RYR1: variants seen among roughly 807,000 people sequenced by gnomAD.
The protein encoded by RYR1 is ryanodine receptor 1, also known as central core disease of muscle.
In RYR1, 342 loss-of-function variants were observed where a neutral mutation model predicts 583.5. That is an observed-to-expected ratio of 0.59 (90% confidence interval 0.54 to 0.64). The LOEUF is 0.64. RYR1 is among the 30% of genes least tolerant of loss of function. The pLI, the probability that RYR1 is intolerant of heterozygous loss-of-function variation, is 0.00. For synonymous variants in RYR1, 2,791 were observed against 2,822.5 expected (o/e 0.99, Z 0.35); for missense variants, 6,032 against 6,917.2 (o/e 0.87, Z 4.54).
intron 11 of RYR1, among the ~76,000 whole-genome samples, chr19:38,451,464 C>T (rs1297968625): frequency 1.3e-5 from 2 of 151,566 alleles, no homozygotes; most frequent in African/African-American, 2.4e-5. Context: ...GAGACAGAGA[C>T]AGGAAGGAGA....
In RYR1 at chr19:38,490,652, C is replaced by T. The variant is rs756831852; in HGVS notation, c.6047C>T (p.Thr2016Ile). 2.5e-6 allele frequency: 4 copies of T among 1,613,218 alleles called. No individual in the cohort carries two copies. Among genetic ancestry groups the T allele is most frequent in the Non-Finnish European group, 3.4e-6 (4 of 1,179,154 alleles). Residue 2016 changes from threonine (T) to isoleucine (I), a missense_variant, in exon 37 of 106, where the codon ACA becomes ATA. Thr to Ile is a moderately conservative substitution (Grantham distance 89). Around this residue, in one of 11 missense-constraint regions of RYR1, gnomAD observed 2,627 missense variants for 2,961.3 expected, o/e 0.89. Transcript: ENST00000359596. ...ATGCTATTGCAATTCAAAGATGGTACAGATGAGGAAGACTGTCCTCTCCCT... is the reference window on the plus strand; with the variant it reads ...ATGCTATTGCAATTCAAAGATGGTATAGATGAGGAAGACTGTCCTCTCCCT... ...INMLLQFKDG[T>I]DEEDCPLPEE...
At chr19:38,537,703 C>T (rs2145755741) in intron 83 of RYR1, among the ~76,000 whole-genome samples, 177 bp from the exon 84 acceptor site, 1 of 152,308 alleles carries the variant, frequency 6.6e-6, no homozygotes, top group East Asian at 1.9e-4. Context: ...GAGGTCAAGA[C>T]CGCCTGGCGT....
In RYR1 at chr19:38,543,674, C is replaced by G. The variant is rs1208011849; in HGVS notation, c.11907+14C>G. 15 of 1,613,336 alleles carry G rather than the reference C, an allele frequency of 9.3e-6. No individual in the cohort carries two copies. Among genetic ancestry groups the G allele is most frequent in the African/African-American group, 1.3e-5 (1 of 75,056 alleles). ...GAGTACATCCAGGTAGGGCGCTCCCCCTGGGGCGGGAGTGGGAAGGGAGGG... is the reference window on the plus strand; with the variant it reads ...GAGTACATCCAGGTAGGGCGCTCCCGCTGGGGCGGGAGTGGGAAGGGAGGG... On this transcript the variant is annotated intron_variant, in intron 86 of 105. Transcript: ENST00000359596. The surrounding 1 kb of genome is among the most constrained non-coding windows in gnomAD (Gnocchi z 4.4).
rs769744438 is a variant in RYR1 at position 38,469,107 on chromosome 19, G to A, written c.3523G>A (p.Glu1175Lys). 14 of 1,614,038 alleles carry A rather than the reference G, an allele frequency of 8.7e-6. No homozygotes were observed. Among genetic ancestry groups the A allele is most frequent in the East Asian group, 6.7e-5 (3 of 44,884 alleles). The change falls in exon 26 of 106, where the codon GAA becomes AAA. Residue 1175 changes from glutamate (E) to lysine (K), a missense_variant. Transcript: ENST00000359596. The stretch of plus-strand genomic sequence containing the variant: ...GGTCCTCATGTCTGACTCAGGCTCC[G>A]AAACAGCCTTCCGGGAGATTGAGAT... ...GEVLMSDSGS[E>K]TAFREIEIGD...
intron 84 of RYR1, among the ~76,000 whole-genome samples, chr19:38,542,377 G>A (rs563823690): frequency 1.7e-4 from 26 of 152,242 alleles, no homozygotes; most frequent in African/African-American, 4.1e-4. Flanking sequence ...GGAAACTAAC[G>A]AGGAACTGAA....
At position 38,486,108 on chromosome 19, in the gene RYR1, C is replaced by T. The variant is rs1274823763; in HGVS notation, c.5453C>T (p.Ala1818Val). 1.9e-6 allele frequency: 3 copies of T among 1,612,734 alleles called. No homozygotes were observed. The highest frequency in any genetic ancestry group is 1.3e-5 in the African/African-American group (1 of 75,032). ...RDKALRMLGEAVRDGGQHARD... is the reference protein window; with the variant it reads ...RDKALRMLGEVVRDGGQHARD... Reference sequence around the variant, plus strand: ...AAGGCACTGAGGATGCTGGGGGAGGCGGTGCGCGACGGTGGGCAGCACGCT... The same window carrying T: ...AAGGCACTGAGGATGCTGGGGGAGGTGGTGCGCGACGGTGGGCAGCACGCT... Residue 1818 changes from alanine (A) to valine (V), a missense_variant, in exon 34 of 106, where the codon GCG becomes GTG. Ala to Val is a moderately conservative substitution (Grantham distance 64, BLOSUM62 0). Around this residue, in one of 11 missense-constraint regions of RYR1, gnomAD observed 2,627 missense variants for 2,961.3 expected, o/e 0.89. Coordinates refer to ENST00000359596, the MANE Select transcript of RYR1 (RefSeq NM_000540.3).
At chr19:38,487,637 C>T (rs1432304713) in intron 34 of RYR1, among the ~76,000 whole-genome samples, 1 of 150,702 alleles carries the variant, frequency 6.6e-6, no homozygotes, top group Non-Finnish European at 1.5e-5. Context: ...TAGGCGTGAG[C>T]CACCGTGTCC....
intron 97 of RYR1, among the ~76,000 whole-genome samples, chr19:38,576,920 C>T (rs1224735532): frequency 6.6e-6 from 1 of 152,138 alleles, no homozygotes; most frequent in Non-Finnish European, 1.5e-5. Context: ...GAGTCTCGCT[C>T]TGTTACCCAG....
rs531577853 is a variant in RYR1, at chr19:38,467,880, C to G, written c.3381+68C>G. 1.6e-4 allele frequency: 233 copies of G among 1,494,968 alleles called. 1 individual carries two copies. In the African/African-American group the frequency reaches 2.7e-3, roughly 17 times the overall value. 92.6% of individuals were successfully genotyped at this position (1,494,968 alleles called of 1,614,324 possible). On this transcript the variant is annotated intron_variant, in intron 25 of 105. Transcript: ENST00000359596. Reference sequence around the variant, plus strand: ...TCTCCCACAGCTTGTCTACTCTGGCCCTGCCTCTGTCTGTGCCTCACTCTG... The same window carrying G: ...TCTCCCACAGCTTGTCTACTCTGGCGCTGCCTCTGTCTGTGCCTCACTCTG...
At position 38,496,052 on chromosome 19, in the gene RYR1, C is replaced by T. The variant is rs540314732; in HGVS notation, c.6549-163C>T. ...TGCTGGGATTACACGCATGAGCCAC[C>T]GCACCCGGCCAGCTGTAGGAATTGA... On this transcript the variant is annotated intron_variant, in intron 39 of 105. Transcript: ENST00000359596. The surrounding 1 kb of genome is among the most constrained non-coding windows in gnomAD (Gnocchi z 4.8). Among the ~76,000 whole-genome samples the T allele has an allele frequency of 6.1e-4, 93 of 152,286 alleles. No homozygotes were observed. The highest frequency in any genetic ancestry group is 1.4e-3 in the African/African-American group (60 of 41,552).
intron 9 of RYR1, among the ~76,000 whole-genome samples, chr19:38,447,734 C>T (rs1234436449): frequency 1.4e-5 from 2 of 146,304 alleles, no homozygotes; most frequent in African/African-American, 5.1e-5. Context: ...CCCAGCTTCT[C>T]GGGAGGCTGA....
At chr19:38,549,698 C>CTTTTTTTT (rs71165559) in intron 89 of RYR1, among the ~76,000 whole-genome samples, 4 of 52,408 alleles carry the variant, frequency 7.6e-5, no homozygotes, top group Non-Finnish European at 1.3e-4. Context: ...CTTTCCTTTC[C>CTTTTTTTT]TTTTTTTTTT....
Position 38,499,713 on chromosome 19 carries a change from G to T in RYR1, c.7106G>T (p.Arg2369Leu), listed in dbSNP as rs777966555. ...CCTGAGTGCTTCGGACCCGCCCTGC[G>T]GGGTGAGGGTGGCTCAGGGCTGCTG... ...RKPECFGPAL[R>L]GEGGSGLLAA... The change falls in exon 44 of 106, where the codon CGG (arginine) becomes CTG (leucine). Residue 2369 changes from arginine to leucine, a missense_variant. Arg to Leu is a moderately radical substitution (Grantham distance 102). Around this residue, in one of 11 missense-constraint regions of RYR1, gnomAD observed 2,627 missense variants for 2,961.3 expected, o/e 0.89. Coordinates refer to ENST00000359596, the MANE Select transcript of RYR1 (RefSeq NM_000540.3). This position sits in a 1 kb window ranked among gnomAD's most constrained non-coding sequence, Gnocchi z 7.3. The T allele has an allele frequency of 1.9e-6, 3 of 1,601,648 alleles. No homozygotes were observed. The highest frequency in any genetic ancestry group is 2.5e-6 in the Non-Finnish European group (3 of 1,179,626).
Position 38,510,585 on chromosome 19 carries a change from G to T in RYR1, c.9000+20G>T. 1 of 1,614,178 alleles carries T rather than the reference G, an allele frequency of 6.2e-7. No individual in the cohort carries two copies. On this transcript the variant is annotated intron_variant, in intron 59 of 105. Coordinates refer to ENST00000359596, the MANE Select transcript of RYR1 (RefSeq NM_000540.3). The stretch of plus-strand genomic sequence containing the variant: ...GCCAAGGTGAGAGGTGGGCTTAGAA[G>T]CTGGAGGGCGCTGGGGACTCATAGG...
At position 38,477,806 on chromosome 19, in the gene RYR1, G is replaced by A. The variant is rs368396727; in HGVS notation, c.4390G>A (p.Asp1464Asn). ...PDYHQHDMSFDLSKVRVVTVT... is the reference protein window; with the variant it reads ...PDYHQHDMSFNLSKVRVVTVT... ...CTACCATCAGCACGACATGAGCTTC[G>A]ACCTCAGCAAGGTCCGGGTCGTGAC... The change falls in exon 30 of 106, where the codon GAC (aspartate) becomes AAC (asparagine). Residue 1464 changes from aspartate (D) to asparagine (N), a missense_variant. Physicochemically the swap from Asp to Asn is conservative, Grantham distance 23. Coordinates refer to ENST00000359596, the MANE Select transcript of RYR1 (RefSeq NM_000540.3). The A allele has an allele frequency of 5.0e-5, 80 of 1,610,580 alleles. No individual in the cohort carries two copies. Among genetic ancestry groups the A allele is most frequent in the Non-Finnish European group, 6.4e-5 (76 of 1,178,418 alleles).
intron 33 of RYR1, 45 bp from the exon 34 acceptor site, chr19:38,485,545 G>C (rs1969234982): frequency 6.2e-7 from 1 of 1,602,824 alleles, no homozygotes; most frequent in South Asian, 1.1e-5. Context: ...ACTGATGCAG[G>C]AGGCTCATTC....
In RYR1 at chr19:38,483,602, C is replaced by A; in HGVS notation, c.4934+86C>A. Reference sequence around the variant, plus strand: ...TCCCACTCAGTGCCCCTCCTCAACACAACCCCGGGATTCCAGACTACACCC... The same window carrying A: ...TCCCACTCAGTGCCCCTCCTCAACAAAACCCCGGGATTCCAGACTACACCC... On this transcript the variant is annotated intron_variant, in intron 33 of 105. Coordinates refer to ENST00000359596, the MANE Select transcript of RYR1 (RefSeq NM_000540.3). The surrounding 1 kb of genome is among the most constrained non-coding windows in gnomAD (Gnocchi z 6.3). The A allele has an allele frequency of 8.2e-7, 1 of 1,216,408 alleles. No homozygotes were observed. The highest frequency in any genetic ancestry group is 1.2e-6 in the Non-Finnish European group (1 of 860,726). The allele number at this position is 1,216,408 out of a possible 1,614,324, so 75.4% of individuals were successfully genotyped here.
chr19:38,582,855 T>G (rs1295565946), intron 101 of RYR1, among the ~76,000 whole-genome samples: 2 of 152,152 alleles, frequency 1.3e-5, no homozygotes, highest in Non-Finnish European at 2.9e-5. Context: ...TCCTCCCTGC[T>G]CTCAGGACAA....
intron 97 of RYR1, 61 bp downstream of exon 97, chr19:38,576,022 C>T (rs1053228659): frequency 1.3e-6 from 2 of 1,585,206 alleles, no homozygotes; most frequent in Admixed American, 3.3e-5. Flanking sequence ...CAGGCCATCA[C>T]AGGCCTGCCA....
Sources: allele counts gnomAD v4.1 joint callset (sites outside exome capture counted in the v4.1 genomes callset), GRCh38; gene constraint gnomAD v4.1.1; regional missense constraint gnomAD v4.1.1; non-coding constraint Gnocchi (gnomAD v3.1); transcripts MANE v1.5; gene names NCBI Gene and HGNC (gene_info 2026-07-23, HGNC 2026-07-21).